Variants in ZNF429 observed in about 807,000 individuals in gnomAD.
The protein encoded by ZNF429 is zinc finger protein 429.
Under a neutral mutation model 56.8 loss-of-function variants are expected in ZNF429, and 53 were observed. The observed-to-expected ratio is 0.93, with a 90% confidence interval of 0.75 to 1.17. The LOEUF (loss-of-function observed/expected upper bound fraction) is 1.17. ZNF429 is among the 50% of genes most tolerant of loss of function. The pLI is 0.00. For synonymous variants in ZNF429, 278 were observed against 264.7 expected (o/e 1.05, Z -0.49); for missense variants, 849 against 788.4 (o/e 1.08, Z -0.92).
chr19:21,514,864 G>T (rs1599444465), intron 1 of ZNF429, among the ~76,000 whole-genome samples: 1 of 152,104 alleles, frequency 6.6e-6, no homozygotes, highest in African/African-American at 2.4e-5. Context: ...CTCCCAAAGT[G>T]CTGGGATTAC....
intron 1 of ZNF429, among the ~76,000 whole-genome samples, chr19:21,513,015 C>A (rs963368941): frequency 6.6e-6 from 1 of 151,810 alleles, no homozygotes; most frequent in South Asian, 2.1e-4. Flanking sequence ...GGACTACAGG[C>A]GCCTGCCACC....
chr19:21,509,733 A>C (rs2032360563), intron 1 of ZNF429, among the ~76,000 whole-genome samples: 1 of 152,200 alleles, frequency 6.6e-6, no homozygotes. Flanking sequence ...ACTGAAGATA[A>C]AGTTGTCCTT....
At chr19:21,515,784 C>A (rs1382261982) in intron 1 of ZNF429, among the ~76,000 whole-genome samples, 3 of 152,128 alleles carry the variant, frequency 2.0e-5, no homozygotes, top group African/African-American at 7.2e-5. Context: ...GAAAGGGGTG[C>A]TGTTTCAGTC....
At position 21,539,826 on chromosome 19, in the gene ZNF429, G is replaced by T. The variant is rs2033859394; in HGVS notation, c.*1748G>T. ...TCAAATTACTTCATGCTGTTTCATT[G>T]TTCCTATTCACATGTGAAAGCATGT... On this transcript the variant is annotated 3_prime_UTR_variant, in exon 4 of 4. Coordinates refer to ENST00000358491, the MANE Select transcript of ZNF429 (RefSeq NM_001001415.4). 6.6e-6 allele frequency among the ~76,000 whole-genome samples: 1 copy of T among 152,056 alleles called. No homozygotes were observed. Among genetic ancestry groups the T allele is most frequent in the South Asian group, 2.1e-4 (1 of 4,828 alleles).
Position 21,511,724 on chromosome 19 carries a change from G to A in ZNF429, c.3+5950G>A, listed in dbSNP as rs577376795. On this transcript the variant is annotated intron_variant, in intron 1 of 3. Coordinates refer to ENST00000358491, the MANE Select transcript of ZNF429 (RefSeq NM_001001415.4). Reference sequence around the variant, plus strand: ...TCGGCACTTTGGGAGGCCAAGGCAGGCGGCTGGAAGGTGGAGGTTGTAGCG... The same window carrying A: ...TCGGCACTTTGGGAGGCCAAGGCAGACGGCTGGAAGGTGGAGGTTGTAGCG... Among the ~76,000 whole-genome samples, 967 of 151,966 alleles carry A rather than the reference G, an allele frequency of 6.4e-3. 6 individuals carry two copies. The highest frequency in any genetic ancestry group is 0.021 in the Middle Eastern group (6 of 292).
chr19:21,533,445 A>T, intron 3 of ZNF429, among the ~76,000 whole-genome samples: 1 of 152,022 alleles, frequency 6.6e-6, no homozygotes, highest in African/African-American at 2.4e-5. Flanking sequence ...GAAATTTTTT[A>T]GTGCAGTTAA....
In ZNF429 at chr19:21,536,802, T is replaced by C. The variant is rs1287520431; in HGVS notation, c.749T>C (p.Ile250Thr). 6.2e-7 allele frequency: 1 copy of C among 1,613,864 alleles called. No homozygotes were observed. The highest frequency in any genetic ancestry group is 8.5e-7 in the Non-Finnish European group (1 of 1,179,988). Reference sequence around the variant, plus strand: ...TCAACCCTTACTAACCATAAGAGAATTCATACTGGAGAGAAACCCTACAAA... The same window carrying C: ...TCAACCCTTACTAACCATAAGAGAACTCATACTGGAGAGAAACCCTACAAA... The part of the protein sequence containing the change: ...HYSTLTNHKR[I>T]HTGEKPYKCK... The change falls in exon 4 of 4, where the codon ATT (isoleucine) becomes ACT (threonine). Residue 250 changes from isoleucine (I) to threonine (T), a missense_variant. Physicochemically the swap from Ile to Thr is moderately conservative, Grantham distance 89. Transcript: ENST00000358491.
chr19:21,506,655 C>T lies in ZNF429; in HGVS notation c.3+881C>T, dbSNP rs147827255. On this transcript the variant is annotated intron_variant, in intron 1 of 3. Coordinates refer to ENST00000358491, the MANE Select transcript of ZNF429 (RefSeq NM_001001415.4). ...TTTCTTAATTTCCATCTTCAGCTTA[C>T]AAAATTTCCTGGTTATGTAATCAGA... 3.0e-3 allele frequency among the ~76,000 whole-genome samples: 449 copies of T among 148,426 alleles called. 2 individuals carry two copies. The highest frequency in any genetic ancestry group is 0.017 in the Middle Eastern group (5 of 286).
At chr19:21,523,943 C>T (rs1298405451) in intron 1 of ZNF429, among the ~76,000 whole-genome samples, 1 of 148,864 alleles carries the variant, frequency 6.7e-6, no homozygotes, top group East Asian at 2.0e-4. Flanking sequence ...GGCCAGGCCT[C>T]TTCTTGGGAT....
intron 1 of ZNF429, among the ~76,000 whole-genome samples, chr19:21,516,199 G>C (rs1479241394): frequency 1.3e-5 from 2 of 152,034 alleles, no homozygotes; most frequent in Non-Finnish European, 2.9e-5. Context: ...CCCCCAAGTA[G>C]CTGGGACTAC....
chr19:21,511,652 G>T (rs1399791135), intron 1 of ZNF429, among the ~76,000 whole-genome samples: 1 of 151,444 alleles, frequency 6.6e-6, no homozygotes, highest in East Asian at 1.9e-4. Context: ...AGGCAGAGAC[G>T]CTCCTCACTT....
chr19:21,528,480 G>A (rs1041614995), intron 1 of ZNF429, among the ~76,000 whole-genome samples: 3 of 152,110 alleles, frequency 2.0e-5, no homozygotes, highest in African/African-American at 7.2e-5. Flanking sequence ...CGTGGTGGGT[G>A]GATAACTTGA....
chr19:21,539,782 T>C lies in ZNF429; in HGVS notation c.*1704T>C, dbSNP rs1262418444. 1.3e-5 allele frequency among the ~76,000 whole-genome samples: 2 copies of C among 152,104 alleles called. No individual in the cohort carries two copies. Among genetic ancestry groups the C allele is most frequent in the Admixed American group, 6.6e-5 (1 of 15,262 alleles). ...ATATATAAAATTTTTGAAAAGCAAA[T>C]TATGATATAATTCAAGTATCAAATT... On this transcript the variant is annotated 3_prime_UTR_variant, in exon 4 of 4. Coordinates refer to ENST00000358491, the MANE Select transcript of ZNF429 (RefSeq NM_001001415.4).
At chr19:21,532,381 A>G in intron 3 of ZNF429, among the ~76,000 whole-genome samples, 5 of 152,238 alleles carry the variant, frequency 3.3e-5, no homozygotes, top group Non-Finnish European at 5.9e-5. Context: ...TTTCAACACT[A>G]TAGTAATACA....
At chr19:21,523,372 A>G (rs1397009119) in intron 1 of ZNF429, among the ~76,000 whole-genome samples, 1 of 152,246 alleles carries the variant, frequency 6.6e-6, no homozygotes, top group Non-Finnish European at 1.5e-5. Context: ...GGCAAAAACC[A>G]CAATTACATT....
chr19:21,524,960 TA>T (rs574635169), intron 1 of ZNF429, among the ~76,000 whole-genome samples: 214 of 152,294 alleles, frequency 1.4e-3, no homozygotes, highest in African/African-American at 5.0e-3. Context: ...GCAGATAAAC[TA>T]ATTGCTTCAT....
At chr19:21,526,503 G>A (rs537562644) in intron 1 of ZNF429, among the ~76,000 whole-genome samples, 1 of 152,236 alleles carries the variant, frequency 6.6e-6, no homozygotes, top group African/African-American at 2.4e-5. Flanking sequence ...TAATGTAATG[G>A]CAAAAACCAG....
rs1364536440 is a variant in ZNF429, at chr19:21,536,401, C to G, written c.348C>G (p.Gly116=). The change falls in exon 4 of 4, where the codon GGC becomes GGG. Residue 116 remains glycine (G), a synonymous_variant. Transcript: ENST00000358491. ...ATGAGAACTTACAATTAAGAAAAGG[C>G]TATAAAACTGTAGGTGATTGTAAGC... ...RGHENLQLRK[G]YKTVGDCKLY... 6.2e-7 allele frequency: 1 copy of G among 1,613,758 alleles called. No individual in the cohort carries two copies. The highest frequency in any genetic ancestry group is 1.7e-5 in the Admixed American group (1 of 59,946).
In ZNF429 at chr19:21,505,754, C is replaced by G. The variant is rs775944318; in HGVS notation, c.-18C>G. 1 of 1,609,884 alleles carries G rather than the reference C, an allele frequency of 6.2e-7. No homozygotes were observed. Among genetic ancestry groups the G allele is most frequent in the Non-Finnish European group, 8.5e-7 (1 of 1,177,218 alleles). On this transcript the variant is annotated 5_prime_UTR_variant, in exon 1 of 4. Transcript: ENST00000358491. ...GAGATACACAGCTAAGACTCCAGGA[C>G]CCCCTGGAAGCCTAGAAATGGTGAG...
Sources: allele counts gnomAD v4.1 joint callset (sites outside exome capture counted in the v4.1 genomes callset), GRCh38; gene constraint gnomAD v4.1.1; transcripts MANE v1.5; gene names NCBI Gene and HGNC (gene_info 2026-07-23, HGNC 2026-07-21).